PLEKHA2: variants seen among roughly 807,000 people sequenced by gnomAD.
PLEKHA2 encodes pleckstrin homology domain containing A2.
A neutral mutation model predicts 53.2 loss-of-function variants in PLEKHA2; 28 were observed. The observed-to-expected ratio is 0.53, with a 90% CI of 0.39 to 0.72. PLEKHA2 has a LOEUF of 0.72. PLEKHA2 is among the 30% of genes least tolerant of loss of function. The pLI is 0.00. For missense variants in PLEKHA2, 426 were observed against 537.9 expected, an observed-to-expected ratio of 0.79 and a Z score of 2.06; for synonymous variants, 193 against 196.4, an observed-to-expected ratio of 0.98 and a Z score of 0.14.
intron 5 of PLEKHA2, among the ~76,000 whole-genome samples, chr8:38,949,118 G>A (rs939419682): frequency 2.6e-5 from 4 of 152,086 alleles, no homozygotes; most frequent in South Asian, 2.1e-4. Context: ...TGATCCGCCC[G>A]CCTCGGCCTC....
intron 3 of PLEKHA2, among the ~76,000 whole-genome samples, chr8:38,936,701 A>G (rs1313965636): frequency 2.6e-5 from 4 of 152,240 alleles, no homozygotes; most frequent in Non-Finnish European, 5.9e-5. Context: ...AACGGTGCCC[A>G]CATGTAACTG....
intron 1 of PLEKHA2, among the ~76,000 whole-genome samples, chr8:38,912,619 C>T (rs1276599987): frequency 2.6e-5 from 4 of 152,106 alleles, no homozygotes; most frequent in African/African-American, 7.2e-5. Context: ...GCAGAGGAGG[C>T]GAGGACAGTG....
chr8:38,967,654 C>T (rs905889008), intron 10 of PLEKHA2, among the ~76,000 whole-genome samples: 1 of 150,970 alleles, frequency 6.6e-6, no homozygotes, highest in Non-Finnish European at 1.5e-5. Context: ...CTATTCATGT[C>T]CTTTGCTCAC....
At chr8:38,929,426 C>A (rs986154490) in intron 2 of PLEKHA2, among the ~76,000 whole-genome samples, 1 of 152,210 alleles carries the variant, frequency 6.6e-6, no homozygotes, top group African/African-American at 2.4e-5. Flanking sequence ...TTGTATTTAC[C>A]TTTCATTGAT....
At chr8:38,923,129 A>G (rs1276564546) in intron 2 of PLEKHA2, among the ~76,000 whole-genome samples, 4 of 152,184 alleles carry the variant, frequency 2.6e-5, no homozygotes, top group Admixed American at 2.0e-4. Flanking sequence ...GCCAGTGCCA[A>G]TGCCCGGATG....
chr8:38,928,580 T>A lies in PLEKHA2; in HGVS notation c.142-7414T>A, dbSNP rs969169752. 3.9e-5 allele frequency among the ~76,000 whole-genome samples: 6 copies of A among 152,094 alleles called. 1 individual carries two copies. The Middle Eastern group carries it at 0.01, about 259-fold the overall frequency. On this transcript the variant is annotated intron_variant, in intron 2 of 11. Coordinates refer to ENST00000617275, the MANE Select transcript of PLEKHA2 (RefSeq NM_021623.2). ...GGTCTTTAAGTCTCTGTCACCAGAG[T>A]TGGAAGACGGAAATAAAGGGAATGG...
chr8:38,934,513 A>G (rs1564126645), intron 2 of PLEKHA2, among the ~76,000 whole-genome samples: 1 of 152,010 alleles, frequency 6.6e-6, no homozygotes. Flanking sequence ...TTAAGAGGTC[A>G]GCAGGAGCTA....
At chr8:38,942,473 A>G (rs915486055) in intron 3 of PLEKHA2, among the ~76,000 whole-genome samples, 7 of 152,126 alleles carry the variant, frequency 4.6e-5, no homozygotes, top group African/African-American at 1.7e-4. Flanking sequence ...CCACAAACAA[A>G]TAAAATAAAG....
chr8:38,918,422 CCACACACACCATA>C (rs1834104053), intron 2 of PLEKHA2, among the ~76,000 whole-genome samples: 1 of 148,108 alleles, frequency 6.8e-6, no homozygotes, highest in East Asian at 2.0e-4. Flanking sequence ...CATACACACA[CCACACACACCATA>C]CACACACACA....
chr8:38,918,155 T>C (rs1564109154), intron 2 of PLEKHA2, 85 bp downstream of exon 2: 1 of 1,492,520 alleles, frequency 6.7e-7, no homozygotes. Context: ...CCTCCAGGCC[T>C]AGGCTCGTGA....
At chr8:38,965,251 G>A (rs1201202094) in intron 10 of PLEKHA2, among the ~76,000 whole-genome samples, 1 of 152,148 alleles carries the variant, frequency 6.6e-6, no homozygotes, top group East Asian at 1.9e-4. Context: ...AGACACCTGG[G>A]TTTCCTGTGT....
At chr8:38,967,924 G>A (rs1458639251) in intron 10 of PLEKHA2, among the ~76,000 whole-genome samples, 2 of 152,124 alleles carry the variant, frequency 1.3e-5, no homozygotes. Context: ...GACCTCCCAA[G>A]TGCTGAGATT....
At chr8:38,968,747 T>C (rs1024610237) in intron 11 of PLEKHA2, 78 bp downstream of exon 11, 3 of 1,495,934 alleles carry the variant, frequency 2.0e-6, no homozygotes, top group African/African-American at 2.8e-5. Flanking sequence ...TATTTGGTGA[T>C]GTAGGCAAGC....
At chr8:38,968,754 A>C in intron 11 of PLEKHA2, 85 bp downstream of exon 11, 3 of 1,441,774 alleles carry the variant, frequency 2.1e-6, no homozygotes, top group Non-Finnish European at 2.9e-6. Flanking sequence ...TGATGTAGGC[A>C]AGCAGCCTGG....
At chr8:38,966,605 C>A (rs753955708) in intron 10 of PLEKHA2, among the ~76,000 whole-genome samples, 15 of 152,158 alleles carry the variant, frequency 9.9e-5, no homozygotes, top group Non-Finnish European at 2.2e-4. Flanking sequence ...CCGGCAGTAG[C>A]GAGGCCGCTG....
At chr8:38,929,046 C>G (rs1834341402) in intron 2 of PLEKHA2, among the ~76,000 whole-genome samples, 1 of 152,228 alleles carries the variant, frequency 6.6e-6, no homozygotes, top group Non-Finnish European at 1.5e-5. Context: ...ATTCAAATGT[C>G]TACTCTGAGC....
chr8:38,930,502 C>G (rs1218916139), intron 2 of PLEKHA2, among the ~76,000 whole-genome samples: 1 of 152,184 alleles, frequency 6.6e-6, no homozygotes, highest in East Asian at 1.9e-4. Flanking sequence ...CCACGCTCAG[C>G]CTAAAACCAC....
At chr8:38,945,863 CTG>C (rs1283990542) in intron 4 of PLEKHA2, among the ~76,000 whole-genome samples, 1 of 152,228 alleles carries the variant, frequency 6.6e-6, no homozygotes, top group Non-Finnish European at 1.5e-5. Context: ...GAACAGCACA[CTG>C]AGGCTGCTGT....
chr8:38,965,020 G>A (rs1023289164), intron 10 of PLEKHA2, among the ~76,000 whole-genome samples: 2 of 151,580 alleles, frequency 1.3e-5, no homozygotes, highest in Non-Finnish European at 2.9e-5. Flanking sequence ...GTATCCAGCC[G>A]ATTTTAATTT....
Sources: gnomAD v4.1 joint callset for allele counts (sites outside exome capture counted in the v4.1 genomes callset) on GRCh38, gnomAD v4.1.1 for gene constraint, MANE v1.5 for transcripts, NCBI Gene and HGNC (gene_info 2026-07-23, HGNC 2026-07-21) for gene names.